SPAG9: variants seen among roughly 807,000 people sequenced by gnomAD.
SPAG9 encodes the protein sperm associated antigen 9, also known as C-Jun-amino-terminal kinase-interacting protein 4.
In SPAG9, 35 loss-of-function variants were observed where a neutral mutation model predicts 166.5. The observed-to-expected ratio is 0.21, with a 90% confidence interval of 0.16 to 0.28. The LOEUF (loss-of-function observed/expected upper bound fraction) is 0.28, where lower values mean the gene tolerates loss of function less well. Among genes scored for constraint, SPAG9 ranks in the 10% least tolerant of loss-of-function variants. The probability of loss-of-function intolerance (pLI) is 1.00; values close to 1 mark genes in which losing one functional copy is unlikely to be tolerated. For synonymous variants in SPAG9, 534 were observed against 565.5 expected, an observed-to-expected ratio of 0.94 and a Z score of 0.79; for missense variants, 1,235 against 1,603.3, an observed-to-expected ratio of 0.77 and a Z score of 3.92.
At position 51,089,663 on chromosome 17, in the gene SPAG9, T is replaced by TACACACAC. The variant is rs71149342; in HGVS notation, c.304-9960_304-9959insGTGTGTGT. Among the ~76,000 whole-genome samples, 169 of 78,246 alleles carry TACACACAC rather than the reference T, an allele frequency of 2.2e-3. 3 individuals are homozygous for TACACACAC. The highest frequency in any genetic ancestry group is 7.2e-3 in the African/African-American group (162 of 22,576). The allele number at this position is 78,246 out of a possible 152,430, so 51.3% of individuals were successfully genotyped here. ...ATATATATATATATATATATATATA[T>TACACACAC]ACACATACACACACACACTTTCTTT... On this transcript the variant is annotated intron_variant, in intron 1 of 29. Transcript: ENST00000262013.
At chr17:51,041,431 T>C (rs768853965) in intron 5 of SPAG9, 70 bp downstream of exon 5, 24 of 1,434,968 alleles carry the variant, frequency 1.7e-5, no homozygotes, top group Non-Finnish European at 2.2e-5. Flanking sequence ...TGTGGTCGTC[T>C]AGCACTTCAA....
intron 27 of SPAG9, chr17:50,976,004 G>C (rs1199957577): frequency 1.2e-6 from 1 of 861,976 alleles, no homozygotes; most frequent in Non-Finnish European, 1.9e-6. Context: ...GGTAAACCTG[G>C]TGCTCAAAGC....
chr17:51,056,343 A>G, intron 3 of SPAG9, 69 bp downstream of exon 3: 1 of 861,614 alleles, frequency 1.2e-6, no homozygotes, highest in Non-Finnish European at 1.9e-6. Flanking sequence ...AGAAAAATTA[A>G]GACATATTTT....
At position 51,031,661 on chromosome 17, in the gene SPAG9, T is replaced by TTAAG. The variant is rs1417103958; in HGVS notation, c.783+16_783+19dup. 1 of 1,546,378 alleles carries TTAAG rather than the reference T, an allele frequency of 6.5e-7. No homozygotes were observed. The highest frequency in any genetic ancestry group is 2.0e-5 in the Admixed American group (1 of 50,992). On this transcript the variant is annotated intron_variant, in intron 6 of 29. Coordinates refer to ENST00000262013, the MANE Select transcript of SPAG9 (RefSeq NM_001130528.3). Reference sequence around the variant, plus strand: ...ACTTTAGTATACTTTTTGCAAAATGTTAAGAAGCACCATTCTCACCTCCTG... The same window carrying TTAAG: ...ACTTTAGTATACTTTTTGCAAAATGTTAAGTAAGAAGCACCATTCTCACCTCCTG...
chr17:51,091,984 TAA>T (rs66581264), intron 1 of SPAG9, among the ~76,000 whole-genome samples: 10,767 of 129,246 alleles, frequency 0.083, 1,162 homozygotes, highest in African/African-American at 0.26. Flanking sequence ...CTCCCAAAGT[TAA>T]AAAAAAAAAA....
At chr17:51,076,989 G>GCTATCTAGCTAGCTAT (rs2047991208) in intron 2 of SPAG9, among the ~76,000 whole-genome samples, 1 of 100,734 alleles carries the variant, frequency 9.9e-6, no homozygotes, top group Non-Finnish European at 2.1e-5. Flanking sequence ...ATCTTATCTA[G>GCTATCTAGCTAGCTAT]CTATCTAGCT....
intron 1 of SPAG9, among the ~76,000 whole-genome samples, chr17:51,089,972 C>T (rs771164240): frequency 7.3e-5 from 11 of 151,234 alleles, no homozygotes; most frequent in South Asian, 4.2e-4. Flanking sequence ...CCACCGTGCC[C>T]GGCCATATAT....
At chr17:51,061,149 A>G (rs972413759) in intron 2 of SPAG9, among the ~76,000 whole-genome samples, 1 of 151,938 alleles carries the variant, frequency 6.6e-6, no homozygotes, top group Admixed American at 6.6e-5. Context: ...CCCCACCGAG[A>G]GAAGCTTTTA....
Position 50,995,097 on chromosome 17 carries a change from G to A in SPAG9, c.2186C>T (p.Ala729Val). 1 of 1,613,808 alleles carries A rather than the reference G, an allele frequency of 6.2e-7. No homozygotes were observed. Among genetic ancestry groups the A allele is most frequent in the Non-Finnish European group, 8.5e-7 (1 of 1,179,870 alleles). The stretch of plus-strand genomic sequence containing the variant: ...TAACTTATCTAAACTACTCTGAGAG[G>A]CACTTCGCTGTTTACTGCCTTCTGT... ...LDTEGSKQRSASQSSLDKLDQ... is the reference protein window; with the variant it reads ...LDTEGSKQRSVSQSSLDKLDQ... The change falls in exon 18 of 30, where the codon GCC becomes GTC. Residue 729 changes from alanine to valine, a missense_variant. This residue lies in a region of SPAG9 where 493 missense variants were observed against 559.4 expected (regional missense o/e 0.88). Coordinates refer to ENST00000262013, the MANE Select transcript of SPAG9 (RefSeq NM_001130528.3).
chr17:51,007,134 T>C (rs1459868368), intron 10 of SPAG9, 135 bp downstream of exon 10: 8 of 534,704 alleles, frequency 1.5e-5, no homozygotes, highest in Non-Finnish European at 2.7e-5. Context: ...TGTGTGTGTG[T>C]GTGTGCACAC....
At chr17:51,104,793 C>T (rs911301632) in intron 1 of SPAG9, among the ~76,000 whole-genome samples, 2 of 151,072 alleles carry the variant, frequency 1.3e-5, no homozygotes, top group South Asian at 2.1e-4. Flanking sequence ...ATTAGCCGGG[C>T]GTGGTAGCGG....
intron 26 of SPAG9, among the ~76,000 whole-genome samples, chr17:50,978,837 A>C (rs1302739746): frequency 6.6e-6 from 1 of 152,096 alleles, no homozygotes; most frequent in Non-Finnish European, 1.5e-5. Flanking sequence ...ATGTCACCTC[A>C]CCTAAAGGCA....
intron 1 of SPAG9, among the ~76,000 whole-genome samples, chr17:51,110,843 G>A (rs1056017038): frequency 2.0e-4 from 30 of 151,896 alleles, no homozygotes; most frequent in Non-Finnish European, 3.7e-4. Context: ...CAGTATGGCC[G>A]GGTGGGTGGC....
chr17:51,075,384 T>C (rs1459668895), intron 2 of SPAG9, among the ~76,000 whole-genome samples: 1 of 152,092 alleles, frequency 6.6e-6, no homozygotes, highest in East Asian at 1.9e-4. Flanking sequence ...CAGTATCTTC[T>C]GCTTCTTTTT....
chr17:51,060,483 A>G (rs1426530782), intron 2 of SPAG9, among the ~76,000 whole-genome samples: 4 of 146,744 alleles, frequency 2.7e-5, no homozygotes, highest in African/African-American at 1.0e-4. Context: ...AGCCTCGGTG[A>G]CAGAGCGGGA....
At chr17:51,085,477 C>T (rs1020330655) in intron 1 of SPAG9, 6 of 152,150 alleles carry the variant, frequency 3.9e-5, no homozygotes, top group Non-Finnish European at 7.4e-5. Flanking sequence ...TTATCTATAT[C>T]ACTTTAAATA....
chr17:51,003,887 C>A (rs1376267565), intron 12 of SPAG9, among the ~76,000 whole-genome samples: 1 of 152,226 alleles, frequency 6.6e-6, no homozygotes, highest in Non-Finnish European at 1.5e-5. Context: ...CACCTGGAGA[C>A]TTCTACTGTA....
intron 2 of SPAG9, among the ~76,000 whole-genome samples, chr17:51,068,811 C>G (rs2047742252): frequency 1.3e-5 from 2 of 152,200 alleles, no homozygotes; most frequent in South Asian, 4.1e-4. Context: ...ACCTTTAGTT[C>G]TAGATATTAA....
At chr17:50,989,498 G>A (rs572941729) in intron 21 of SPAG9, 179 bp downstream of exon 21, 12 of 664,152 alleles carry the variant, frequency 1.8e-5, no homozygotes, top group Admixed American at 1.2e-4. Flanking sequence ...AGAAATGGGG[G>A]GGAATATCCA....
Sources: allele counts gnomAD v4.1 joint callset (sites outside exome capture counted in the v4.1 genomes callset), GRCh38; gene constraint gnomAD v4.1.1; regional missense constraint gnomAD v4.1.1; transcripts MANE v1.5; gene names NCBI Gene and HGNC (gene_info 2026-07-23, HGNC 2026-07-21).